Variants in RIOK1 observed in about 807,000 individuals in gnomAD.
RIOK1 encodes the protein serine/threonine-protein kinase RIO1.
Under a neutral mutation model 73.5 loss-of-function variants are expected in RIOK1, and 66 were observed. The ratio of observed to expected loss-of-function variants is 0.90; its 90% CI spans 0.74 to 1.10. The LOEUF (loss-of-function observed/expected upper bound fraction) is 1.10. Among genes scored for constraint, RIOK1 ranks in the 50% least tolerant of loss-of-function variants. RIOK1 has a pLI of 0.00. For missense variants in RIOK1, 658 were observed against 699.8 expected, an observed-to-expected ratio of 0.94 and a Z score of 0.67; for synonymous variants, 224 against 226.8, an observed-to-expected ratio of 0.99 and a Z score of 0.11.
intron 14 of RIOK1, chr6:7,411,680 G>T (rs1365645045): frequency 2.3e-6 from 1 of 441,246 alleles, no homozygotes; most frequent in Non-Finnish European, 4.1e-6. Context: ...AGCTGTAATT[G>T]TAGAAACAAG....
At chr6:7,403,701 T>C (rs1761668209) in intron 8 of RIOK1, among the ~76,000 whole-genome samples, 1 of 152,198 alleles carries the variant, frequency 6.6e-6, no homozygotes, top group Non-Finnish European at 1.5e-5. Context: ...ATCTCTGGAA[T>C]TGCTTTGGGT....
At chr6:7,399,224 A>G (rs1338812031) in intron 5 of RIOK1, among the ~76,000 whole-genome samples, 3 of 152,186 alleles carry the variant, frequency 2.0e-5, no homozygotes, top group Non-Finnish European at 4.4e-5. Context: ...CATTCCGAAG[A>G]ATGTGATTGG....
chr6:7,389,866 G>T lies in RIOK1; in HGVS notation c.-137G>T, dbSNP rs1761281053. ...TGTCGGTCCCGTTTTCCCGTCGCAC[G>T]TGGTGGCCACTGTTGGCTTCTGAAT... On this transcript the variant is annotated 5_prime_UTR_variant, in exon 1 of 17. Transcript: ENST00000379834. 5 of 635,856 alleles carry T rather than the reference G, an allele frequency of 7.9e-6. No individual in the cohort carries two copies. The highest frequency in any genetic ancestry group is 1.1e-5 in the Non-Finnish European group (4 of 363,780). The allele number at this position is 635,856 out of a possible 1,614,324, so 39.4% of individuals were successfully genotyped here.
chr6:7,393,619 C>T (rs952102024), intron 2 of RIOK1, among the ~76,000 whole-genome samples: 4 of 152,190 alleles, frequency 2.6e-5, no homozygotes, highest in African/African-American at 4.8e-5. Context: ...AGTTCAGCCT[C>T]ATTGGTAATT....
chr6:7,405,414 T>C (rs1761721683), intron 12 of RIOK1, 59 bp downstream of exon 12: 6 of 992,432 alleles, frequency 6.0e-6, no homozygotes, highest in Non-Finnish European at 9.4e-6. Context: ...GTATCTCTTA[T>C]CTCAAGTGCT....
At chr6:7,412,739 C>A (rs1484543353) in intron 14 of RIOK1, 150 bp from the exon 15 acceptor site, 1 of 394,278 alleles carries the variant, frequency 2.5e-6, no homozygotes, top group Non-Finnish European at 4.6e-6. Flanking sequence ...TTATAAACTT[C>A]CTGTGTTACA....
intron 15 of RIOK1, 66 bp downstream of exon 15, chr6:7,413,008 A>G (rs1269420973): frequency 1.3e-6 from 1 of 795,054 alleles, no homozygotes; most frequent in African/African-American, 1.8e-5. Flanking sequence ...AACTCTAGTC[A>G]TACTGTTTTT....
At chr6:7,407,804 T>G (rs1761785609) in intron 12 of RIOK1, among the ~76,000 whole-genome samples, 1 of 152,174 alleles carries the variant, frequency 6.6e-6, no homozygotes, top group African/African-American at 2.4e-5. Flanking sequence ...CCATGTCTTT[T>G]TTTTAATCAG....
intron 3 of RIOK1, 141 bp downstream of exon 3, chr6:7,395,284 T>C: frequency 1.2e-6 from 1 of 836,196 alleles, no homozygotes; most frequent in Middle Eastern, 3.1e-4. Context: ...GAGGCTGAAG[T>C]GGGTGGATCA....
intron 16 of RIOK1, 125 bp downstream of exon 16, chr6:7,414,515 C>T: frequency 1.1e-6 from 1 of 894,654 alleles, no homozygotes; most frequent in Non-Finnish European, 1.7e-6. Flanking sequence ...CCTCTAATTA[C>T]AGTTTTAATA....
intron 3 of RIOK1, among the ~76,000 whole-genome samples, 175 bp from the exon 4 acceptor site, chr6:7,396,528 G>A (rs1052392966): frequency 4.6e-5 from 7 of 152,164 alleles, no homozygotes; most frequent in Non-Finnish European, 7.4e-5. Context: ...ACGCAGTTTA[G>A]TGCCTACTTT....
At chr6:7,410,522 A>G in intron 13 of RIOK1, 71 bp downstream of exon 13, 14 of 969,562 alleles carry the variant, frequency 1.4e-5, no homozygotes, top group Middle Eastern at 2.2e-4. Context: ...TTATGTTGCT[A>G]GAGCATAAAC....
chr6:7,410,444 A>C lies in RIOK1; in HGVS notation c.1262A>C (p.Asp421Ala). The C allele has an allele frequency of 6.2e-7, 1 of 1,607,786 alleles. No homozygotes were observed. Among genetic ancestry groups the C allele is most frequent in the Non-Finnish European group, 8.5e-7 (1 of 1,174,646 alleles). ...GAACGGTCTAGCCAAGATCATGTGGATGAAGAGGTAGGATTTATTATCTAT... is the reference window on the plus strand; with the variant it reads ...GAACGGTCTAGCCAAGATCATGTGGCTGAAGAGGTAGGATTTATTATCTAT... ...KEERSSQDHV[D>A]EEVFKRAYIP... The change falls in exon 13 of 17, where the codon GAT becomes GCT. Residue 421 changes from aspartate to alanine, a missense_variant. Coordinates refer to ENST00000379834, the MANE Select transcript of RIOK1 (RefSeq NM_031480.3).
At chr6:7,399,510 G>T (rs531711150) in intron 5 of RIOK1, among the ~76,000 whole-genome samples, 1 of 152,276 alleles carries the variant, frequency 6.6e-6, no homozygotes, top group South Asian at 2.1e-4. Flanking sequence ...TAACTTTAGG[G>T]TTATTTTTGG....
At chr6:7,409,996 A>G (rs1004980337) in intron 12 of RIOK1, among the ~76,000 whole-genome samples, 1 of 152,178 alleles carries the variant, frequency 6.6e-6, no homozygotes, top group African/African-American at 2.4e-5. Flanking sequence ...AGCCTTTGCA[A>G]TTCCCTTCGC....
chr6:7,395,006 G>C (rs751373578), intron 2 of RIOK1, 47 bp from the exon 3 acceptor site: 1 of 1,607,164 alleles, frequency 6.2e-7, no homozygotes, highest in African/African-American at 1.3e-5. Context: ...ATGAATCTTA[G>C]GTTTGTTTTT....
At chr6:7,404,846 G>A in intron 10 of RIOK1, 72 bp from the exon 11 acceptor site, 1 of 1,293,070 alleles carries the variant, frequency 7.7e-7, no homozygotes, top group Non-Finnish European at 1.1e-6. Flanking sequence ...GCTTTTAAGA[G>A]TAGAATTTAT....
In RIOK1 at chr6:7,395,111, T is replaced by G; in HGVS notation, c.335T>G (p.Val112Gly). 2 of 1,613,668 alleles carry G rather than the reference T, an allele frequency of 1.2e-6. No homozygotes were observed. Among genetic ancestry groups the G allele is most frequent in the Non-Finnish European group, 8.5e-7 (1 of 1,179,742 alleles). Residue 112 changes from valine to glycine, a missense_variant, in exon 3 of 17, where the codon GTC (valine) becomes GGC (glycine). Transcript: ENST00000379834. Reference protein sequence around the residue: ...SAKMSTPADKVLRKFENKINL... With the variant: ...SAKMSTPADKGLRKFENKINL... ...AAAATGTCTACTCCAGCAGACAAGGTCTTACGGAAATTTGAGAATAAAATT... is the reference window on the plus strand; with the variant it reads ...AAAATGTCTACTCCAGCAGACAAGGGCTTACGGAAATTTGAGAATAAAATT...
At chr6:7,394,932 C>G in intron 2 of RIOK1, 121 bp from the exon 3 acceptor site, 1 of 1,471,232 alleles carries the variant, frequency 6.8e-7, no homozygotes, top group Non-Finnish European at 9.3e-7. Flanking sequence ...TCTTACCTTT[C>G]CTTAAGATAC....
Sources: allele counts gnomAD v4.1 joint callset (sites outside exome capture counted in the v4.1 genomes callset), GRCh38; gene constraint gnomAD v4.1.1; transcripts MANE v1.5; gene names NCBI Gene and HGNC (gene_info 2026-07-23, HGNC 2026-07-21).